Variants in MYRIP observed in about 807,000 individuals in gnomAD.
MYRIP encodes the protein myosin VIIA and Rab interacting protein.
MYRIP carries 49 observed loss-of-function variants against 98.0 expected under a neutral mutation model. That is an observed-to-expected ratio of 0.50 (90% CI 0.40 to 0.63). The LOEUF is 0.63. Among genes scored for constraint, MYRIP ranks in the 30% least tolerant of loss-of-function variants. The pLI, the probability that MYRIP is intolerant of heterozygous loss-of-function variation, is 0.00. For missense variants in MYRIP, 1,004 were observed against 1,058.2 expected (o/e 0.95, Z 0.71); for synonymous variants, 404 against 409.5 (o/e 0.99, Z 0.16).
intron 1 of MYRIP, among the ~76,000 whole-genome samples, chr3:39,886,454 C>G (rs1159235404): frequency 4.0e-5 from 6 of 148,610 alleles, no homozygotes; most frequent in Non-Finnish European, 9.0e-5. Flanking sequence ...ATCTCACGTG[C>G]AGAGACACAC....
chr3:39,986,459 T>C (rs943129043), intron 2 of MYRIP, among the ~76,000 whole-genome samples: 1 of 151,696 alleles, frequency 6.6e-6, no homozygotes, highest in Admixed American at 6.6e-5. Context: ...TCTCTCCCTC[T>C]CTCTCTCTCT....
intron 10 of MYRIP, among the ~76,000 whole-genome samples, chr3:40,203,588 TCTATCGTTAAG>T (rs906112571): frequency 2.2e-4 from 33 of 148,436 alleles, no homozygotes; most frequent in African/African-American, 6.7e-4. Context: ...TTAGGAGTAT[TCTATCGTTAAG>T]TGTTTAAAGA....
intron 3 of MYRIP, among the ~76,000 whole-genome samples, chr3:40,110,366 C>G (rs1429471240): frequency 2.6e-5 from 4 of 152,176 alleles, no homozygotes; most frequent in Admixed American, 2.0e-4. Flanking sequence ...GAGAAATGTT[C>G]AGTTTGAAGC....
Position 40,140,444 on chromosome 3 carries a change from G to A in MYRIP, c.333-10604G>A, listed in dbSNP as rs191558443. ...AACATGGGGGTGCAGATGTCTCTTC[G>A]GTATAATGATTTCCTTTCATTTGGA... On this transcript the variant is annotated intron_variant, in intron 3 of 16. Coordinates refer to ENST00000302541, the MANE Select transcript of MYRIP (RefSeq NM_015460.4). 6.3e-4 allele frequency among the ~76,000 whole-genome samples: 96 copies of A among 152,172 alleles called. 2 individuals carry two copies. The highest frequency in any genetic ancestry group is 3.4e-3 in the Middle Eastern group (1 of 294).
chr3:40,073,810 G>A (rs1407949416), intron 3 of MYRIP, among the ~76,000 whole-genome samples: 6 of 152,290 alleles, frequency 3.9e-5, no homozygotes, highest in East Asian at 1.9e-4. Flanking sequence ...TCTCTGAGGC[G>A]TGAGGTTTTC....
At chr3:40,250,154 C>A in intron 13 of MYRIP, 68 bp from the exon 14 acceptor site, 4 of 1,291,198 alleles carry the variant, frequency 3.1e-6, no homozygotes, top group Non-Finnish European at 3.3e-6. Flanking sequence ...AAATTCTTAA[C>A]ACTTTTAAGA....
At chr3:40,087,883 G>A (rs1222700806) in intron 3 of MYRIP, among the ~76,000 whole-genome samples, 1 of 152,200 alleles carries the variant, frequency 6.6e-6, no homozygotes, top group African/African-American at 2.4e-5. Context: ...CAGCTGGCAG[G>A]TAGGGGTGCC....
intron 11 of MYRIP, among the ~76,000 whole-genome samples, chr3:40,231,219 C>T (rs2125697147): frequency 6.6e-6 from 1 of 152,330 alleles, no homozygotes; most frequent in Non-Finnish European, 1.5e-5. Context: ...AGCTGTGGCG[C>T]TCTCCTCAGA....
chr3:39,912,103 C>T (rs4676537), intron 2 of MYRIP, among the ~76,000 whole-genome samples: 67,029 of 151,998 alleles, frequency 0.44, 15,038 homozygotes, highest in East Asian at 0.54. Context: ...TCCCAGCCCT[C>T]TGTGCTCACC....
chr3:40,041,213 A>T (rs1278005517), intron 2 of MYRIP, among the ~76,000 whole-genome samples: 1 of 131,012 alleles, frequency 7.6e-6, no homozygotes, highest in Admixed American at 8.1e-5. Context: ...CAATCATGAC[A>T]GTAATAACTG....
intron 8 of MYRIP, among the ~76,000 whole-genome samples, chr3:40,177,438 A>G (rs1950790381): frequency 6.6e-6 from 1 of 152,180 alleles, no homozygotes. Flanking sequence ...CAGTTCTCCA[A>G]TGACCCAGAC....
intron 2 of MYRIP, among the ~76,000 whole-genome samples, chr3:39,945,756 AG>A (rs1391959675): frequency 6.6e-6 from 1 of 152,164 alleles, no homozygotes; most frequent in Non-Finnish European, 1.5e-5. Flanking sequence ...GAAAGCTTTA[AG>A]ATTTGTGTTA....
rs753909093 is a variant in MYRIP at position 40,258,144 on chromosome 3, T to C, written c.2558T>C (p.Leu853Pro). The change falls in exon 17 of 17, where the codon CTG becomes CCG. Residue 853 changes from leucine to proline, a missense_variant. This residue lies in a region of MYRIP where 108 missense variants were observed against 111.1 expected (regional missense o/e 0.97). Transcript: ENST00000302541. ...GTTKDLMEPA[L>P]ESAVMY is the part of the protein sequence containing the mutation. ...AATGTCTCACCTCAGGAGCCTGCTC[T>C]GGAGTCAGCTGTGATGTACTGACAC... is the stretch of plus-strand genomic sequence containing the variant. 6.2e-7 allele frequency: 1 copy of C among 1,613,934 alleles called. No individual in the cohort carries two copies.
At chr3:40,228,890 A>G (rs1952565443) in intron 11 of MYRIP, among the ~76,000 whole-genome samples, 1 of 152,180 alleles carries the variant, frequency 6.6e-6, no homozygotes, top group African/African-American at 2.4e-5. Flanking sequence ...TTTAATTCCA[A>G]AGTGGTCTCT....
intron 1 of MYRIP, among the ~76,000 whole-genome samples, chr3:39,853,782 G>A (rs1243074818): frequency 6.6e-6 from 1 of 151,708 alleles, no homozygotes; most frequent in Non-Finnish European, 1.5e-5. Context: ...ATTTATTTTT[G>A]TTTTTGTTGC....
intron 1 of MYRIP, among the ~76,000 whole-genome samples, chr3:39,883,008 T>C (rs577506210): frequency 6.6e-6 from 1 of 152,190 alleles, no homozygotes; most frequent in African/African-American, 2.4e-5. Flanking sequence ...ATTGTAGAGA[T>C]AAAAAGATAC....
chr3:39,997,618 A>T (rs1279642190), intron 2 of MYRIP, among the ~76,000 whole-genome samples: 1 of 152,072 alleles, frequency 6.6e-6, no homozygotes. Flanking sequence ...AGGAGGAGCT[A>T]GTACCATTCC....
chr3:40,078,689 G>A (rs1380734923), intron 3 of MYRIP, among the ~76,000 whole-genome samples: 1 of 152,164 alleles, frequency 6.6e-6, no homozygotes, highest in Admixed American at 6.5e-5. Context: ...AGAGACTAGT[G>A]GTCTCCTCTC....
intron 10 of MYRIP, among the ~76,000 whole-genome samples, chr3:40,192,363 TTTAAG>T (rs1180168377): frequency 3.9e-5 from 3 of 76,950 alleles, no homozygotes; most frequent in African/African-American, 1.1e-4. Context: ...TTTATATTTA[TTTAAG>T]TTATTTACTT....
Sources: allele counts gnomAD v4.1 joint callset (sites outside exome capture counted in the v4.1 genomes callset), GRCh38; gene constraint gnomAD v4.1.1; regional missense constraint gnomAD v4.1.1; transcripts MANE v1.5; gene names NCBI Gene and HGNC (gene_info 2026-07-23, HGNC 2026-07-21).